PRR16: variants seen among roughly 807,000 people sequenced by gnomAD.
PRR16 encodes the protein proline rich 16.
PRR16 carries 6 observed loss-of-function variants against 18.2 expected under a neutral mutation model. The observed-to-expected ratio is 0.33, with a 90% CI of 0.18 to 0.65. The LOEUF (loss-of-function observed/expected upper bound fraction) is 0.65. Ranked by LOEUF, PRR16 falls within the 30% of genes least tolerant of loss-of-function variation. The pLI is 0.74. For synonymous variants in PRR16, 151 were observed against 147.8 expected (o/e 1.02, Z -0.16); for missense variants, 412 against 376.6 (o/e 1.09, Z -0.78).
chr5:120,720,805 T>C, the PRR16 span, among the ~76,000 whole-genome samples: 2 of 152,108 alleles, frequency 1.3e-5, no homozygotes, highest in African/African-American at 2.4e-5. Context: ...GATGGATTTA[T>C]ATTTTTCCCA....
At chr5:120,721,704 G>A in the PRR16 span, among the ~76,000 whole-genome samples, 1 of 151,960 alleles carries the variant, frequency 6.6e-6, no homozygotes, top group Admixed American at 6.6e-5. Context: ...AATGTGAACT[G>A]CCTTACATTT....
At chr5:120,506,374 GATAA>G (rs1256055134) in intron 1 of PRR16, among the ~76,000 whole-genome samples, 1 of 151,680 alleles carries the variant, frequency 6.6e-6, no homozygotes, top group African/African-American at 2.4e-5. Flanking sequence ...TATTTCTAAA[GATAA>G]ATAAATAAAA....
chr5:120,785,589 T>TTTTTTTTTTTTTTTTTTTTTTTTTC, the PRR16 span, among the ~76,000 whole-genome samples: 1 of 144,100 alleles, frequency 6.9e-6, no homozygotes, highest in Non-Finnish European at 1.5e-5. Context: ...TTTTTTTTTT[T>TTTTTTTTTTTTTTTTTTTTTTTTTC]TGAGACAGAG....
At chr5:120,758,784 G>C in the PRR16 span, among the ~76,000 whole-genome samples, 3 of 151,950 alleles carry the variant, frequency 2.0e-5, no homozygotes, top group African/African-American at 7.3e-5. Flanking sequence ...AAATTACCCA[G>C]TCTCAGGTAT....
At chr5:120,680,861 C>CT (rs1245463701) in intron 1 of PRR16, among the ~76,000 whole-genome samples, 2 of 152,114 alleles carry the variant, frequency 1.3e-5, no homozygotes, top group Non-Finnish European at 2.9e-5. Flanking sequence ...ACTTCATAAT[C>CT]TTTTTTCCAC....
intron 1 of PRR16, among the ~76,000 whole-genome samples, chr5:120,474,028 T>G (rs976933451): frequency 2.0e-5 from 3 of 152,114 alleles, no homozygotes; most frequent in African/African-American, 7.2e-5. Flanking sequence ...AAGGGCCTTA[T>G]AGTGGACAAG....
chr5:120,613,444 T>C (rs1372572275), intron 1 of PRR16, among the ~76,000 whole-genome samples: 2 of 151,936 alleles, frequency 1.3e-5, no homozygotes, highest in Non-Finnish European at 2.9e-5. Context: ...TATTTTTCAA[T>C]AATTACTTAA....
intron 1 of PRR16, among the ~76,000 whole-genome samples, chr5:120,508,313 T>C (rs1452353770): frequency 1.3e-5 from 2 of 152,186 alleles, no homozygotes; most frequent in African/African-American, 4.8e-5. Context: ...CCTGGATTGC[T>C]TGAAATTTGA....
intron 1 of PRR16, among the ~76,000 whole-genome samples, chr5:120,606,440 TTA>T (rs1754156622): frequency 1.3e-5 from 2 of 152,244 alleles, no homozygotes; most frequent in African/African-American, 4.8e-5. Flanking sequence ...ATATACTTTT[TTA>T]TATTGACTTT....
chr5:120,529,496 C>T (rs1036452318), intron 1 of PRR16, among the ~76,000 whole-genome samples: 9 of 152,100 alleles, frequency 5.9e-5, no homozygotes, highest in African/African-American at 1.2e-4. Flanking sequence ...TGTAAAACAA[C>T]GAGCACACTA....
intron 1 of PRR16, among the ~76,000 whole-genome samples, chr5:120,606,690 A>C (rs1754164298): frequency 6.6e-6 from 1 of 152,092 alleles, no homozygotes; most frequent in Non-Finnish European, 1.5e-5. Flanking sequence ...ATTACTTGAG[A>C]CCAGGAGTTA....
chr5:120,792,212 C>T, the PRR16 span, among the ~76,000 whole-genome samples: 1 of 151,584 alleles, frequency 6.6e-6, no homozygotes, highest in African/African-American at 2.4e-5. Flanking sequence ...CAGCTGTACT[C>T]TCTCACGAAT....
chr5:120,740,932 A>G, the PRR16 span, among the ~76,000 whole-genome samples: 102 of 152,204 alleles, frequency 6.7e-4, no homozygotes, highest in African/African-American at 2.3e-3. Flanking sequence ...GCAAAATCAT[A>G]GATCTTTTTA....
chr5:120,743,020 C>T, the PRR16 span, among the ~76,000 whole-genome samples: 1 of 152,188 alleles, frequency 6.6e-6, no homozygotes, highest in Admixed American at 6.5e-5. Flanking sequence ...GGAAAATCTT[C>T]CATCTAAAAA....
chr5:120,646,643 T>C (rs1243213937), intron 1 of PRR16, among the ~76,000 whole-genome samples: 1 of 151,964 alleles, frequency 6.6e-6, no homozygotes, highest in South Asian at 2.1e-4. Flanking sequence ...TAAGAAAATC[T>C]AGGCAATGAT....
the PRR16 span, among the ~76,000 whole-genome samples, chr5:120,768,491 G>T: frequency 6.6e-6 from 1 of 151,384 alleles, no homozygotes; most frequent in Admixed American, 6.6e-5. Flanking sequence ...TTCCGACTTT[G>T]TCTCTAATTG....
intron 1 of PRR16, among the ~76,000 whole-genome samples, chr5:120,527,961 G>A (rs1166904681): frequency 2.6e-5 from 4 of 152,200 alleles, no homozygotes; most frequent in Non-Finnish European, 5.9e-5. Flanking sequence ...GAAATCCACA[G>A]ATATTCCCCA....
At chr5:120,513,018 G>A (rs1401171181) in intron 1 of PRR16, among the ~76,000 whole-genome samples, 1 of 152,108 alleles carries the variant, frequency 6.6e-6, no homozygotes. Context: ...TGGTCACTCC[G>A]GAACTGTCAT....
the PRR16 span, among the ~76,000 whole-genome samples, chr5:120,752,989 G>A: frequency 9.1e-6 from 1 of 109,732 alleles, no homozygotes; most frequent in African/African-American, 3.3e-5. Flanking sequence ...TATTATTGAT[G>A]TCAAATGTCA....
Sources: allele counts gnomAD v4.1 joint callset (sites outside exome capture counted in the v4.1 genomes callset), GRCh38; gene constraint gnomAD v4.1.1; transcripts MANE v1.5; gene names NCBI Gene and HGNC (gene_info 2026-07-23, HGNC 2026-07-21).